Variants in TEX14 observed in about 807,000 individuals in gnomAD.
TEX14 encodes inactive serine/threonine-protein kinase TEX14.
TEX14 carries 168 observed loss-of-function variants against 178.6 expected under a neutral mutation model. The observed-to-expected ratio is 0.94, with a 90% CI of 0.83 to 1.07. The LOEUF (loss-of-function observed/expected upper bound fraction) is 1.07. TEX14 is among the 50% of genes least tolerant of loss of function. The pLI is 0.00. For missense variants in TEX14, 1,730 were observed against 1,753.6 expected, an observed-to-expected ratio of 0.99 and a Z score of 0.24; for synonymous variants, 626 against 634.1, an observed-to-expected ratio of 0.99 and a Z score of 0.19.
At chr17:58,606,012 G>C (rs187389094) in intron 10 of TEX14, among the ~76,000 whole-genome samples, 23 of 152,268 alleles carry the variant, frequency 1.5e-4, no homozygotes, top group African/African-American at 5.1e-4. Context: ...ACCCCCATCT[G>C]CTTTATCAAA....
chr17:58,689,932 C>T (rs2047664270), intron 1 of TEX14, among the ~76,000 whole-genome samples: 1 of 150,714 alleles, frequency 6.6e-6, no homozygotes, highest in Non-Finnish European at 1.5e-5. Context: ...TCACTGCAAG[C>T]TCCGCCTCCT....
rs1430660704 is a variant in TEX14, at chr17:58,615,289, G to A, written c.824C>T (p.Pro275Leu). Residue 275 changes from proline (P) to leucine (L), a missense_variant, in exon 8 of 32, where the codon CCA (proline) becomes CTA (leucine). By Grantham distance (98) the Pro-to-Leu change is moderately conservative. Coordinates refer to ENST00000349033, the MANE Select transcript of TEX14 (RefSeq NM_031272.5). ...TVKELNLPTH[P>L]HCSRLRLADL... The stretch of plus-strand genomic sequence containing the variant: ...GGCCAGCCGCAGCCTGCTGCAGTGT[G>A]GGTGGGTGGGGAGATTCAGCTCTTT... 2 of 1,611,736 alleles carry A rather than the reference G, an allele frequency of 1.2e-6. No homozygotes were observed.
At chr17:58,682,189 T>C (rs192297998) in intron 1 of TEX14, among the ~76,000 whole-genome samples, 89 of 152,032 alleles carry the variant, frequency 5.9e-4, no homozygotes, top group Non-Finnish European at 1.0e-3. Context: ...GCTCAAGCAA[T>C]TGACCCGTCT....
At chr17:58,686,669 T>C (rs1339925416) in intron 1 of TEX14, among the ~76,000 whole-genome samples, 1 of 152,030 alleles carries the variant, frequency 6.6e-6, no homozygotes, top group East Asian at 1.9e-4. Context: ...GGACAACAAA[T>C]ACATATTGGG....
chr17:58,685,084 C>T (rs2047568256), intron 1 of TEX14, among the ~76,000 whole-genome samples: 2 of 152,010 alleles, frequency 1.3e-5, no homozygotes, highest in Admixed American at 1.3e-4. Flanking sequence ...ATGAAAAATC[C>T]ATTTATAATT....
intron 4 of TEX14, among the ~76,000 whole-genome samples, 171 bp downstream of exon 4, chr17:58,622,676 T>C (rs1465208966): frequency 1.3e-5 from 2 of 152,106 alleles, no homozygotes; most frequent in African/African-American, 2.4e-5. Flanking sequence ...AGTAGAAAGG[T>C]TCACTAGACC....
At chr17:58,679,846 AT>A (rs1218570432) in intron 1 of TEX14, among the ~76,000 whole-genome samples, 1 of 152,140 alleles carries the variant, frequency 6.6e-6, no homozygotes, top group East Asian at 1.9e-4. Context: ...ATATCTGGCT[AT>A]TCAAAATCTT....
intron 2 of TEX14, among the ~76,000 whole-genome samples, chr17:58,634,905 G>A (rs1383570560): frequency 6.6e-6 from 1 of 152,142 alleles, no homozygotes; most frequent in Non-Finnish European, 1.5e-5. Context: ...GCCGAGGCAG[G>A]CGGATTACCT....
In TEX14 at chr17:58,679,234, A is replaced by T. The variant is rs187790437; in HGVS notation, c.-2+12705T>A. On this transcript the variant is annotated intron_variant, in intron 1 of 31. Coordinates refer to ENST00000349033, the MANE Select transcript of TEX14 (RefSeq NM_031272.5). ...CAGAAGAAAAGTCAGAAGATGCTAA[A>T]TTGTTAGCTTTGAAAAGGAAAGGGC... 1.1e-4 allele frequency among the ~76,000 whole-genome samples: 16 copies of T among 152,286 alleles called. No homozygotes were observed. In the East Asian group the frequency reaches 2.5e-3, roughly 24 times the overall value.
At chr17:58,659,407 C>A (rs1361845397) in intron 1 of TEX14, 2 of 778,010 alleles carry the variant, frequency 2.6e-6, no homozygotes, top group African/African-American at 1.9e-5. Context: ...TTCGAAACTA[C>A]CGCTTCTTCG....
At chr17:58,627,221 T>C (rs1418587125) in intron 3 of TEX14, among the ~76,000 whole-genome samples, 1 of 152,174 alleles carries the variant, frequency 6.6e-6, no homozygotes, top group Admixed American at 6.5e-5. Flanking sequence ...CTAGTCTCAA[T>C]TCCCTGATCT....
At chr17:58,620,083 G>C (rs302862) in intron 5 of TEX14, among the ~76,000 whole-genome samples, 1 of 151,964 alleles carries the variant, frequency 6.6e-6, no homozygotes. Context: ...CAATTTAATT[G>C]GAAAACTGGA....
At chr17:58,654,455 C>T (rs2046906018) in intron 1 of TEX14, among the ~76,000 whole-genome samples, 1 of 149,030 alleles carries the variant, frequency 6.7e-6, no homozygotes, top group African/African-American at 2.5e-5. Context: ...CGCTTATAGG[C>T]ATGGACCTTG....
chr17:58,631,195 C>CGCA (rs2046278008), intron 2 of TEX14: 2 of 969,942 alleles, frequency 2.1e-6, no homozygotes, highest in East Asian at 2.3e-4. Context: ...GGCGCAGTGG[C>CGCA]TCACGCCTGT....
intron 1 of TEX14, among the ~76,000 whole-genome samples, chr17:58,688,121 T>G (rs1028060452): frequency 6.6e-6 from 1 of 152,140 alleles, no homozygotes; most frequent in Non-Finnish European, 1.5e-5. Flanking sequence ...AGACTTTTTT[T>G]GTTTTGTTTT....
At position 58,690,748 on chromosome 17, in the gene TEX14, A is replaced by G. The variant is rs530525204; in HGVS notation, c.-2+1191T>C. On this transcript the variant is annotated intron_variant, in intron 1 of 31. Transcript: ENST00000349033. ...AGTCCTACAAGACTTTCTTTGACCT[A>G]CCAAATGGGGTATAAATGCTTCTCG... Among the ~76,000 whole-genome samples the G allele has an allele frequency of 8.5e-5, 13 of 152,284 alleles. No individual in the cohort carries two copies. In the East Asian group the frequency reaches 2.5e-3, roughly 29 times the overall value.
At chr17:58,582,697 G>A (rs2044852274) in intron 19 of TEX14, among the ~76,000 whole-genome samples, 1 of 151,408 alleles carries the variant, frequency 6.6e-6, no homozygotes, top group Admixed American at 6.6e-5. Flanking sequence ...CCAAGTAGCT[G>A]GGATCACAGG....
At chr17:58,616,057 G>T in intron 7 of TEX14, 118 bp downstream of exon 7, 1 of 1,182,340 alleles carries the variant, frequency 8.5e-7, no homozygotes. Flanking sequence ...GATTTAGACA[G>T]ATGTTCTTAG....
In TEX14 at chr17:58,676,897, G is replaced by A. The variant is rs1474151572; in HGVS notation, c.-2+15042C>T. ...TGTAATCCCAGTACTTTGGGAGGAC[G>A]AGGCAGGCAGATCACCTGAGGCCAG... On this transcript the variant is annotated intron_variant, in intron 1 of 31. Coordinates refer to ENST00000349033, the MANE Select transcript of TEX14 (RefSeq NM_031272.5). Among the ~76,000 whole-genome samples, 7 of 152,070 alleles carry A rather than the reference G, an allele frequency of 4.6e-5. No homozygotes were observed. In the East Asian group the frequency reaches 9.7e-4, roughly 21 times the overall value.
Sources: allele counts gnomAD v4.1 joint callset (sites outside exome capture counted in the v4.1 genomes callset), GRCh38; gene constraint gnomAD v4.1.1; transcripts MANE v1.5; gene names NCBI Gene and HGNC (gene_info 2026-07-23, HGNC 2026-07-21).